The following NTN4 variants were observed in gnomAD, a reference collection of about 807,000 sequenced individuals.
NTN4 encodes netrin 4, also known as netrin-4.
NTN4 carries 32 observed loss-of-function variants against 73.6 expected under a neutral mutation model. The observed-to-expected ratio is 0.44, with a 90% confidence interval of 0.33 to 0.58. NTN4 has a LOEUF of 0.58. NTN4 is among the 20% of genes least tolerant of loss of function. The probability of loss-of-function intolerance (pLI) is 0.04; values close to 1 mark genes in which losing one functional copy is unlikely to be tolerated. For missense variants in NTN4, 654 were observed against 798.3 expected (o/e 0.82, Z 2.18); for synonymous variants, 258 against 287.5 (o/e 0.90, Z 1.04).
At chr12:95,704,645 G>A (rs890941089) in intron 5 of NTN4, among the ~76,000 whole-genome samples, 1 of 152,162 alleles carries the variant, frequency 6.6e-6, no homozygotes, top group Non-Finnish European at 1.5e-5. Flanking sequence ...AGAGTACGTA[G>A]GTAGAGAGAA....
chr12:95,773,160 C>A (rs532097908), intron 2 of NTN4, among the ~76,000 whole-genome samples: 1 of 152,080 alleles, frequency 6.6e-6, no homozygotes, highest in Non-Finnish European at 1.5e-5. Context: ...CCTGCCACCA[C>A]GCCCAGCTAA....
intron 2 of NTN4, among the ~76,000 whole-genome samples, chr12:95,764,537 C>T (rs1283070518): frequency 6.6e-6 from 1 of 152,092 alleles, no homozygotes. Context: ...TGGCGTCAGG[C>T]ACCTGTAATC....
chr12:95,660,000 T>C (rs182657566), intron 9 of NTN4, among the ~76,000 whole-genome samples: 1 of 152,096 alleles, frequency 6.6e-6, no homozygotes, highest in Non-Finnish European at 1.5e-5. Flanking sequence ...AGGAGGTTTT[T>C]TTTTTGTTTT....
At chr12:95,751,376 C>T (rs1271760135) in intron 2 of NTN4, among the ~76,000 whole-genome samples, 2 of 152,208 alleles carry the variant, frequency 1.3e-5, no homozygotes, top group South Asian at 2.1e-4. Context: ...ATCTCCAGCA[C>T]ACAAGAACTT....
intron 2 of NTN4, among the ~76,000 whole-genome samples, chr12:95,744,020 G>A (rs1466816145): frequency 2.0e-5 from 3 of 152,266 alleles, no homozygotes; most frequent in African/African-American, 7.2e-5. Context: ...TCATGCCTCA[G>A]CCTCCCAGGT....
chr12:95,747,632 G>A (rs1350717264), intron 2 of NTN4, among the ~76,000 whole-genome samples: 7 of 151,978 alleles, frequency 4.6e-5, no homozygotes, highest in Non-Finnish European at 8.8e-5. Flanking sequence ...GTGTGTTTAT[G>A]CTATGTTTTG....
intron 5 of NTN4, among the ~76,000 whole-genome samples, chr12:95,694,323 G>A (rs1390535954): frequency 6.6e-6 from 1 of 152,078 alleles, no homozygotes; most frequent in Non-Finnish European, 1.5e-5. Flanking sequence ...GACCCCGGCG[G>A]CCACTCCCTC....
In NTN4 at chr12:95,781,682, T is replaced by G. The variant is rs2079133896; in HGVS notation, c.585+5257A>C. On this transcript the variant is annotated intron_variant, in intron 2 of 9. Transcript: ENST00000343702. The surrounding 1 kb of genome is among the most constrained non-coding windows in gnomAD (Gnocchi z 4.1). ...ATGTCATTTCTATTTCTCCATTTGTTTATGTTCCCCATTTCTTTTTTCTGC... is the reference window on the plus strand; with the variant it reads ...ATGTCATTTCTATTTCTCCATTTGTGTATGTTCCCCATTTCTTTTTTCTGC... Among the ~76,000 whole-genome samples the G allele has an allele frequency of 1.3e-5, 2 of 152,210 alleles. No homozygotes were observed.
chr12:95,694,890 G>T (rs2078429298), intron 5 of NTN4, among the ~76,000 whole-genome samples: 1 of 152,148 alleles, frequency 6.6e-6, no homozygotes, highest in Admixed American at 6.5e-5. Context: ...ACTTTGGGAG[G>T]CCAAGGCAGG....
chr12:95,709,814 T>C (rs1410919349), intron 5 of NTN4, among the ~76,000 whole-genome samples: 1 of 152,200 alleles, frequency 6.6e-6, no homozygotes, highest in Admixed American at 6.5e-5. Context: ...ATTACAGACA[T>C]AAGGCACCAT....
intron 2 of NTN4, among the ~76,000 whole-genome samples, chr12:95,752,691 C>A (rs1361633950): frequency 2.6e-5 from 4 of 152,292 alleles, no homozygotes; most frequent in African/African-American, 9.6e-5. Context: ...CAACTCCTTT[C>A]CTTCCTAGGC....
intron 3 of NTN4, among the ~76,000 whole-genome samples, chr12:95,721,536 A>G (rs1373102971): frequency 1.3e-5 from 2 of 152,192 alleles, no homozygotes; most frequent in African/African-American, 4.8e-5. Flanking sequence ...CTTTGAATAC[A>G]TTTACAAACA....
At chr12:95,662,362 T>C (rs1256684476) in intron 9 of NTN4, among the ~76,000 whole-genome samples, 2 of 151,754 alleles carry the variant, frequency 1.3e-5, no homozygotes, top group Non-Finnish European at 2.9e-5. Flanking sequence ...TCTGAGTAGC[T>C]GGGACAACAG....
intron 8 of NTN4, among the ~76,000 whole-genome samples, chr12:95,667,300 C>T (rs186233185): frequency 1.1e-3 from 171 of 151,312 alleles, no homozygotes; most frequent in Middle Eastern, 3.4e-3. Flanking sequence ...AGCAATTCTT[C>T]CTGCCTCAGC....
At position 95,781,031 on chromosome 12, in the gene NTN4, C is replaced by A. The variant is rs1231170993; in HGVS notation, c.585+5908G>T. Among the ~76,000 whole-genome samples, 1 of 133,330 alleles carries A rather than the reference C, an allele frequency of 7.5e-6. No individual in the cohort carries two copies. The highest frequency in any genetic ancestry group is 2.3e-4 in the East Asian group (1 of 4,290). 87.5% of individuals were successfully genotyped at this position (133,330 alleles called of 152,430 possible). ...GGATGAAGCTGGAAACCATCATTCTCAGCAAACTATTGCAAGGACAAAAAA... is the reference window on the plus strand; with the variant it reads ...GGATGAAGCTGGAAACCATCATTCTAAGCAAACTATTGCAAGGACAAAAAA... On this transcript the variant is annotated intron_variant, in intron 2 of 9. Coordinates refer to ENST00000343702, the MANE Select transcript of NTN4 (RefSeq NM_021229.4). This position sits in a 1 kb window ranked among gnomAD's most constrained non-coding sequence, Gnocchi z 4.1.
intron 7 of NTN4, among the ~76,000 whole-genome samples, chr12:95,675,678 A>C (rs2078267722): frequency 6.6e-6 from 1 of 152,236 alleles, no homozygotes; most frequent in African/African-American, 2.4e-5. Context: ...TTGAATTTAA[A>C]AAAAATGTAA....
At chr12:95,767,623 C>A (rs138336415) in intron 2 of NTN4, among the ~76,000 whole-genome samples, 1,721 of 152,246 alleles carry the variant, frequency 0.011, 11 homozygotes, top group Middle Eastern at 0.058. Context: ...AATCACAAAA[C>A]AACTCCCCAT....
At position 95,658,690 on chromosome 12, in the gene NTN4, G is replaced by A. The variant is rs1412919795; in HGVS notation, c.*396C>T. 6.4e-6 allele frequency: 1 copy of A among 155,422 alleles called. No homozygotes were observed. The highest frequency in any genetic ancestry group is 6.5e-5 in the Admixed American group (1 of 15,416). The allele number at this position is 155,422 out of a possible 1,614,324, so 9.6% of individuals were successfully genotyped here. A position where few individuals can be genotyped will look rare whatever the true frequency, so the allele number is the denominator to read the frequency against. ...TAACAAACACCTTTTCTGATAGTAG[G>A]GTTAGGGATTCCTTAAAACGTCATT... On this transcript the variant is annotated 3_prime_UTR_variant, in exon 10 of 10. Transcript: ENST00000343702.
At chr12:95,661,055 T>A (rs193252507) in intron 9 of NTN4, among the ~76,000 whole-genome samples, 1 of 152,336 alleles carries the variant, frequency 6.6e-6, no homozygotes, top group East Asian at 1.9e-4. Context: ...TTGTGGTAAG[T>A]TGAGCACCAA....
Sources: allele counts gnomAD v4.1 joint callset (sites outside exome capture counted in the v4.1 genomes callset), GRCh38; gene constraint gnomAD v4.1.1; non-coding constraint Gnocchi (gnomAD v3.1); transcripts MANE v1.5; gene names NCBI Gene and HGNC (gene_info 2026-07-23, HGNC 2026-07-21).